Variants in ACSS1 observed in about 807,000 individuals in gnomAD.
ACSS1 encodes acyl-CoA synthetase short chain family member 1.
A neutral mutation model predicts 75.3 loss-of-function variants in ACSS1; 42 were observed. The observed-to-expected ratio is 0.56, with a 90% CI of 0.44 to 0.72. The LOEUF (loss-of-function observed/expected upper bound fraction) is 0.72, where lower values mean the gene tolerates loss of function less well. Among genes scored for constraint, ACSS1 ranks in the 30% least tolerant of loss-of-function variants. The pLI is 0.00. For synonymous variants in ACSS1, 380 were observed against 376.8 expected (o/e 1.01, Z -0.10); for missense variants, 782 against 935.7 (o/e 0.84, Z 2.14).
At chr20:25,016,511 C>T (rs1289810477) in intron 7 of ACSS1, among the ~76,000 whole-genome samples, 4 of 152,212 alleles carry the variant, frequency 2.6e-5, no homozygotes, top group Non-Finnish European at 1.5e-5. Context: ...ATCACTAAAA[C>T]ACTGAAATAC....
intron 1 of ACSS1, 120 bp downstream of exon 1, chr20:25,057,649 A>G (rs2122785437): frequency 5.5e-6 from 5 of 911,200 alleles, no homozygotes; most frequent in African/African-American, 1.7e-5. Flanking sequence ...ATACCGGAGG[A>G]GGGGCCCCTG....
At chr20:25,019,379 AG>A (rs1421801447) in intron 7 of ACSS1, among the ~76,000 whole-genome samples, 2 of 152,244 alleles carry the variant, frequency 1.3e-5, no homozygotes, top group African/African-American at 4.8e-5. Context: ...CATTACCAAT[AG>A]GCCTAAGCTT....
At chr20:25,046,519 A>G (rs1378276401) in intron 2 of ACSS1, 1 of 449,500 alleles carries the variant, frequency 2.2e-6, no homozygotes, top group Non-Finnish European at 4.1e-6. Flanking sequence ...AGACTGATGG[A>G]GAGAAACTGG....
intron 1 of ACSS1, among the ~76,000 whole-genome samples, chr20:25,055,253 AAACTTAGGG>A (rs1216387699): frequency 1.3e-5 from 2 of 152,220 alleles, no homozygotes; most frequent in Admixed American, 1.3e-4. Flanking sequence ...TTGTGTCACT[AAACTTAGGG>A]GTGGTTTGAT....
At chr20:25,035,062 T>C (rs1313389640) in intron 2 of ACSS1, among the ~76,000 whole-genome samples, 3 of 151,606 alleles carry the variant, frequency 2.0e-5, no homozygotes, top group African/African-American at 7.3e-5. Flanking sequence ...GCCTGGCTAA[T>C]TTTTTTGTAT....
At chr20:25,037,639 G>T (rs2088935420) in intron 2 of ACSS1, among the ~76,000 whole-genome samples, 1 of 152,218 alleles carries the variant, frequency 6.6e-6, no homozygotes, top group East Asian at 1.9e-4. Context: ...GCTGTCTCTA[G>T]AATTTGATAT....
intron 3 of ACSS1, among the ~76,000 whole-genome samples, chr20:25,027,692 C>G (rs1413854720): frequency 6.6e-6 from 1 of 151,584 alleles, no homozygotes; most frequent in Non-Finnish European, 1.5e-5. Flanking sequence ...GAAGCCTTCC[C>G]CCTAAGATCA....
intron 2 of ACSS1, among the ~76,000 whole-genome samples, chr20:25,045,407 G>C (rs1277226312): frequency 2.0e-5 from 3 of 152,196 alleles, no homozygotes; most frequent in African/African-American, 7.2e-5. Context: ...TGCTGACCCA[G>C]CGTCACCTGT....
chr20:25,034,500 C>T (rs1252151699), intron 2 of ACSS1, among the ~76,000 whole-genome samples: 1 of 152,148 alleles, frequency 6.6e-6, no homozygotes, highest in African/African-American at 2.4e-5. Context: ...CCAAATGGAC[C>T]CCCACATTCT....
intron 2 of ACSS1, among the ~76,000 whole-genome samples, chr20:25,033,690 ACAGC>A (rs2088864761): frequency 2.0e-5 from 3 of 152,248 alleles, no homozygotes; most frequent in Admixed American, 6.5e-5. Flanking sequence ...CTCCAGGAGC[ACAGC>A]TCCGATGAGG....
chr20:25,035,186 C>T (rs1352868344), intron 2 of ACSS1, among the ~76,000 whole-genome samples: 2 of 152,098 alleles, frequency 1.3e-5, no homozygotes, highest in Admixed American at 6.6e-5. Context: ...TGAGCCACCG[C>T]ACCCGGCCGA....
intron 4 of ACSS1, 126 bp from the exon 5 acceptor site, chr20:25,023,218 C>A: frequency 7.7e-7 from 1 of 1,291,944 alleles, no homozygotes; most frequent in Non-Finnish European, 1.0e-6. Context: ...TGTCCAAGTT[C>A]AATTCCAAAT....
Position 25,023,019 on chromosome 20 carries a change from G to A in ACSS1, c.881C>T (p.Thr294Ile), listed in dbSNP as rs1232311234. 1 of 1,614,132 alleles carries A rather than the reference G, an allele frequency of 6.2e-7. No individual in the cohort carries two copies. The change falls in exon 5 of 14, where the codon ACC becomes ATC. Residue 294 changes from threonine to isoleucine, a missense_variant. Transcript: ENST00000323482. ...CTTGGGCATTCCGGTGCTCCCTGAG[G>A]TGTACAGCATGAAGAGCATGTCCTC... is the stretch of plus-strand genomic sequence containing the variant. Reference protein sequence around the residue: ...GSEDMLFMLYTSGSTGMPKGI... With the variant: ...GSEDMLFMLYISGSTGMPKGI...
At chr20:25,040,888 ATAATTGT>A (rs1220746374) in intron 2 of ACSS1, among the ~76,000 whole-genome samples, 3 of 152,212 alleles carry the variant, frequency 2.0e-5, no homozygotes, top group African/African-American at 7.2e-5. Flanking sequence ...TTATAAAACA[ATAATTGT>A]TAATAATTTA....
At chr20:25,021,951 C>A (rs1168964934) in intron 5 of ACSS1, among the ~76,000 whole-genome samples, 1 of 152,162 alleles carries the variant, frequency 6.6e-6, no homozygotes, top group Non-Finnish European at 1.5e-5. Context: ...GGCAGAGGGA[C>A]AACAGGCACA....
At position 25,006,821 on chromosome 20, in the gene ACSS1, A is replaced by G; in HGVS notation, c.*941T>C. ...TCTCACCGCCCCAACCACAGAGTGAAGGTCAGGCAGCGTTTGCCAGGATTT... is the reference window on the plus strand; with the variant it reads ...TCTCACCGCCCCAACCACAGAGTGAGGGTCAGGCAGCGTTTGCCAGGATTT... On this transcript the variant is annotated 3_prime_UTR_variant, in exon 14 of 14. Transcript: ENST00000323482. 1 of 1,535,096 alleles carries G rather than the reference A, an allele frequency of 6.5e-7. No homozygotes were observed. The highest frequency in any genetic ancestry group is 8.7e-7 in the Non-Finnish European group (1 of 1,146,442).
At chr20:25,027,953 A>G (rs1165520131) in intron 3 of ACSS1, among the ~76,000 whole-genome samples, 1 of 152,188 alleles carries the variant, frequency 6.6e-6, no homozygotes, top group Non-Finnish European at 1.5e-5. Flanking sequence ...CTATGCAAAA[A>G]TTGCTGTATC....
chr20:25,043,871 C>T (rs898493522), intron 2 of ACSS1, among the ~76,000 whole-genome samples: 4 of 152,214 alleles, frequency 2.6e-5, no homozygotes, highest in Non-Finnish European at 5.9e-5. Flanking sequence ...GGGATGGGTC[C>T]AAGGCCATAG....
intron 9 of ACSS1, 42 bp downstream of exon 9, chr20:25,013,919 G>A: frequency 1.3e-6 from 2 of 1,578,814 alleles, no homozygotes; most frequent in Non-Finnish European, 1.7e-6. Context: ...GGACAAGGGA[G>A]GGCAAGCACA....
Sources: allele counts gnomAD v4.1 joint callset (sites outside exome capture counted in the v4.1 genomes callset), GRCh38; gene constraint gnomAD v4.1.1; transcripts MANE v1.5; gene names NCBI Gene and HGNC (gene_info 2026-07-23, HGNC 2026-07-21).